The following ITPR1 variants were observed in gnomAD, a reference collection of about 807,000 sequenced individuals.
ITPR1 encodes inositol 1,4,5-trisphosphate-gated calcium channel ITPR1.
ITPR1 carries 96 observed loss-of-function variants against 318.4 expected under a neutral mutation model. The ratio of observed to expected loss-of-function variants is 0.30; its 90% CI spans 0.26 to 0.36. The LOEUF (loss-of-function observed/expected upper bound fraction) is 0.36. Ranked by LOEUF, ITPR1 falls within the 10% of genes least tolerant of loss-of-function variation. ITPR1 has a pLI of 1.00. For missense variants in ITPR1, 2,440 were observed against 3,460.2 expected (o/e 0.71, Z 7.40); for synonymous variants, 1,312 against 1,289.9 (o/e 1.02, Z -0.37).
chr3:4,508,458 T>G (rs913652602), intron 2 of ITPR1, among the ~76,000 whole-genome samples: 3 of 150,208 alleles, frequency 2.0e-5, no homozygotes, highest in South Asian at 2.1e-4. Context: ...AATCAAGGTT[T>G]TTTTTTTTTT....
chr3:4,708,650 C>G (rs755176465), intron 37 of ITPR1, among the ~76,000 whole-genome samples: 3 of 152,152 alleles, frequency 2.0e-5, no homozygotes, highest in Non-Finnish European at 4.4e-5. Flanking sequence ...TTCTTGTGCT[C>G]TTCTTAGATT....
At chr3:4,668,661 T>G (rs2125204440) in intron 18 of ITPR1, among the ~76,000 whole-genome samples, 1 of 152,184 alleles carries the variant, frequency 6.6e-6, no homozygotes, top group Admixed American at 6.5e-5. Context: ...AGAGACGGGG[T>G]TTCACCATAT....
chr3:4,823,790 T>G (rs929247503), intron 60 of ITPR1, among the ~76,000 whole-genome samples: 21 of 152,140 alleles, frequency 1.4e-4, no homozygotes, highest in Non-Finnish European at 2.9e-4. Flanking sequence ...GTGTGGTGCT[T>G]GGGTGATGGA....
chr3:4,681,100 C>T lies in ITPR1; in HGVS notation c.3107-264C>T, dbSNP rs4684437. 0.21 allele frequency among the ~76,000 whole-genome samples: 32,612 copies of T among 151,952 alleles called. 3,790 individuals are homozygous for T. Among genetic ancestry groups the T allele is most frequent in the South Asian group, 0.37 (1,769 of 4,800 alleles). On this transcript the variant is annotated intron_variant, in intron 25 of 61. Transcript: ENST00000649015. ...GGAGATGGTAGGAGTAGAAATAATC[C>T]CATCTACCAAGCCCAAGCTTCCATG...
intron 4 of ITPR1, among the ~76,000 whole-genome samples, chr3:4,578,681 G>A (rs184955808): frequency 1.3e-5 from 2 of 152,302 alleles, no homozygotes; most frequent in East Asian, 3.9e-4. Context: ...ACCAACGTTT[G>A]TGTATGAGAT....
Position 4,693,557 on chromosome 3 carries a change from A to G in ITPR1, c.4097A>G (p.Gln1366Arg). ...NDRASFQTLIQMMRSERDRMD... is the reference protein window; with the variant it reads ...NDRASFQTLIRMMRSERDRMD... Reference sequence around the variant, plus strand: ...AGAGCCTCTTTCCAGACTCTGATCCAGATGATGCGGTCAGAACGGGATCGG... The same window carrying G: ...AGAGCCTCTTTCCAGACTCTGATCCGGATGATGCGGTCAGAACGGGATCGG... The change falls in exon 33 of 62, where the codon CAG (glutamine) becomes CGG (arginine). Residue 1366 changes from glutamine (Q) to arginine (R), a missense_variant. Gln to Arg is a conservative substitution (Grantham distance 43). Around this residue, in one of 23 missense-constraint regions of ITPR1, gnomAD observed 222 missense variants for 318.8 expected, o/e 0.70. Coordinates refer to ENST00000649015, the MANE Select transcript of ITPR1 (RefSeq NM_001378452.1). 6.2e-7 allele frequency: 1 copy of G among 1,614,008 alleles called. No individual in the cohort carries two copies. The highest frequency in any genetic ancestry group is 8.5e-7 in the Non-Finnish European group (1 of 1,179,860).
intron 5 of ITPR1, among the ~76,000 whole-genome samples, chr3:4,629,443 A>G (rs1468684342): frequency 6.6e-6 from 1 of 152,004 alleles, no homozygotes; most frequent in Admixed American, 6.6e-5. Context: ...CTTTCTCAGC[A>G]CTGATCAGGG....
chr3:4,518,579 G>A (rs304010), intron 3 of ITPR1, among the ~76,000 whole-genome samples: 103,919 of 152,036 alleles, frequency 0.68, 36,076 homozygotes, highest in East Asian at 0.8. Context: ...TGTGGACTAC[G>A]GTGAGTGAGT....
intron 4 of ITPR1, among the ~76,000 whole-genome samples, chr3:4,606,303 T>A (rs887473726): frequency 6.6e-6 from 1 of 152,148 alleles, no homozygotes; most frequent in Admixed American, 6.5e-5. Flanking sequence ...AGTGGAACTT[T>A]GAGGGTGAGC....
At chr3:4,576,242 C>T (rs755252554) in intron 4 of ITPR1, among the ~76,000 whole-genome samples, 5 of 152,058 alleles carry the variant, frequency 3.3e-5, no homozygotes, top group African/African-American at 7.2e-5. Flanking sequence ...AACTGCTGGG[C>T]GATTGGAGTT....
chr3:4,500,736 A>G (rs1285064322), intron 2 of ITPR1, among the ~76,000 whole-genome samples: 1 of 152,172 alleles, frequency 6.6e-6, no homozygotes, highest in Non-Finnish European at 1.5e-5. Flanking sequence ...TGAGGCTAAG[A>G]CATCATTGTT....
At chr3:4,744,930 TTCCTTC>T (rs2043977327) in intron 44 of ITPR1, among the ~76,000 whole-genome samples, 5 of 45,420 alleles carry the variant, frequency 1.1e-4, no homozygotes, top group Non-Finnish European at 2.1e-4. Context: ...CCTTCCTTCC[TTCCTTC>T]CTTCCTTCCT....
intron 4 of ITPR1, among the ~76,000 whole-genome samples, chr3:4,592,183 C>T (rs746663611): frequency 6.6e-6 from 1 of 152,188 alleles, no homozygotes; most frequent in Admixed American, 6.5e-5. Context: ...GCCTACCTGC[C>T]ATACCTGGGA....
intron 4 of ITPR1, among the ~76,000 whole-genome samples, chr3:4,541,949 C>T (rs1575469333): frequency 6.6e-6 from 1 of 152,214 alleles, no homozygotes; most frequent in African/African-American, 2.4e-5. Flanking sequence ...TTAATCTCGC[C>T]ATCTTTTTCA....
At chr3:4,685,772 G>A (rs1288359100) in intron 30 of ITPR1, among the ~76,000 whole-genome samples, 2 of 152,192 alleles carry the variant, frequency 1.3e-5, no homozygotes, top group African/African-American at 4.8e-5. Flanking sequence ...TGGGGAGGCA[G>A]GAGCAGGCTG....
At chr3:4,741,475 G>A (rs190552112) in intron 44 of ITPR1, among the ~76,000 whole-genome samples, 76 of 152,118 alleles carry the variant, frequency 5.0e-4, no homozygotes, top group Admixed American at 4.2e-3. Context: ...GAAGTGCTCC[G>A]TCAGGAAACT....
intron 4 of ITPR1, among the ~76,000 whole-genome samples, chr3:4,624,390 A>C (rs927058865): frequency 2.0e-5 from 3 of 151,984 alleles, no homozygotes; most frequent in African/African-American, 7.2e-5. Context: ...ATTAAACAGT[A>C]AGGTGCAGTG....
intron 44 of ITPR1, chr3:4,750,408 A>G (rs2044413454): frequency 6.6e-6 from 1 of 152,228 alleles, no homozygotes; most frequent in African/African-American, 2.4e-5. Context: ...AACTCTAAAG[A>G]AAAACAAGGT....
Position 4,651,724 on chromosome 3 carries a change from A to G in ITPR1, c.856-399A>G, listed in dbSNP as rs142861441. On this transcript the variant is annotated intron_variant, in intron 10 of 61. Coordinates refer to ENST00000649015, the MANE Select transcript of ITPR1 (RefSeq NM_001378452.1). ...GCCCCGGCTCTGAGTTTCACATTTCAGAGCACAGGCCTGCGTGTGTGTTCT... is the reference window on the plus strand; with the variant it reads ...GCCCCGGCTCTGAGTTTCACATTTCGGAGCACAGGCCTGCGTGTGTGTTCT... Among the ~76,000 whole-genome samples the G allele has an allele frequency of 6.0e-3, 914 of 152,318 alleles. 2 individuals are homozygous for G. The highest frequency in any genetic ancestry group is 0.027 in the Middle Eastern group (8 of 294).
Sources: allele counts gnomAD v4.1 joint callset (sites outside exome capture counted in the v4.1 genomes callset), GRCh38; gene constraint gnomAD v4.1.1; regional missense constraint gnomAD v4.1.1; transcripts MANE v1.5; gene names NCBI Gene and HGNC (gene_info 2026-07-23, HGNC 2026-07-21).